The following ACAN variants were observed in gnomAD, a reference collection of about 807,000 sequenced individuals.
ACAN encodes aggrecan core protein.
In ACAN, 47 loss-of-function variants were observed where a neutral mutation model predicts 169.1. The ratio of observed to expected loss-of-function variants is 0.28; its 90% CI spans 0.22 to 0.35. The LOEUF is 0.35. Ranked by LOEUF, ACAN falls within the 10% of genes least tolerant of loss-of-function variation. The probability of loss-of-function intolerance (pLI) is 1.00; values close to 1 mark genes in which losing one functional copy is unlikely to be tolerated. For missense variants in ACAN, 2,716 were observed against 2,759.9 expected, an observed-to-expected ratio of 0.98 and a Z score of 0.36; for synonymous variants, 1,115 against 1,112.2, an observed-to-expected ratio of 1.00 and a Z score of -0.05.
intron 1 of ACAN, among the ~76,000 whole-genome samples, chr15:88,832,303 T>A (rs1299276713): frequency 8.0e-5 from 11 of 137,590 alleles, no homozygotes; most frequent in Non-Finnish European, 1.6e-5. Context: ...GTAGATACCT[T>A]AAAAAAAAAA....
chr15:88,803,864 G>C (rs1453350062), intron 1 of ACAN, 55 bp downstream of exon 1: 1 of 152,370 alleles, frequency 6.6e-6, no homozygotes, highest in African/African-American at 2.4e-5. Context: ...CGGCGAGCCA[G>C]GAACGGGACT....
At chr15:88,831,924 A>T (rs1371742386) in intron 1 of ACAN, among the ~76,000 whole-genome samples, 1 of 152,194 alleles carries the variant, frequency 6.6e-6, no homozygotes, top group Non-Finnish European at 1.5e-5. Flanking sequence ...ACCTCTGAAG[A>T]TTCACCATGA....
intron 4 of ACAN, among the ~76,000 whole-genome samples, chr15:88,840,769 T>C (rs1278221942): frequency 7.9e-6 from 1 of 126,936 alleles, no homozygotes; most frequent in African/African-American, 3.4e-5. Flanking sequence ...GATCTTAGGA[T>C]ACAAAAACTA....
chr15:88,848,127 AC>A, intron 9 of ACAN, 89 bp downstream of exon 9: 3 of 1,528,492 alleles, frequency 2.0e-6, no homozygotes, highest in Non-Finnish European at 1.8e-6. Flanking sequence ...AGAGGGGGTT[AC>A]CACCCACCCA....
rs756505482 is a variant in ACAN, at chr15:88,843,314, G to C, written c.758-41G>C. On this transcript the variant is annotated intron_variant, in intron 5 of 18. Coordinates refer to ENST00000560601, the MANE Select transcript of ACAN (RefSeq NM_001369268.1). The surrounding 1 kb of genome is among the most constrained non-coding windows in gnomAD (Gnocchi z 4.0). ...CTCTGGGGATGCAGAGCAGGGGGAG[G>C]GGGGAGAAGACCCTTACCCAGCTGG... 2.9e-6 allele frequency: 4 copies of C among 1,357,862 alleles called. No individual in the cohort carries two copies. In the South Asian group the frequency reaches 4.4e-5, roughly 15 times the overall value. The allele number at this position is 1,357,862 out of a possible 1,614,324, so 84.1% of individuals were successfully genotyped here. A position where few individuals can be genotyped will look rare whatever the true frequency, so the allele number is the denominator to read the frequency against.
intron 1 of ACAN, among the ~76,000 whole-genome samples, chr15:88,835,840 C>T (rs1170574887): frequency 1.3e-5 from 2 of 152,304 alleles, no homozygotes; most frequent in East Asian, 1.9e-4. Flanking sequence ...TCCAGAAACA[C>T]CCTCACAGAC....
intron 7 of ACAN, 137 bp from the exon 8 acceptor site, chr15:88,847,106 G>A (rs1896808892): frequency 7.0e-6 from 7 of 997,660 alleles, no homozygotes; most frequent in Non-Finnish European, 9.9e-6. Context: ...TGGCTACCAA[G>A]TGGGATTTCA....
rs1350916407 is a variant in ACAN at position 88,807,266 on chromosome 15, AG to A, written c.-8+3461del. ...AGGAAGGTCTGCTTATAAGTAGAGC[AG>A]GGGAGGGGACAGGCCAGCAGCTGCC... On this transcript the variant is annotated intron_variant, in intron 1 of 18. Transcript: ENST00000560601. This position sits in a 1 kb window ranked among gnomAD's most constrained non-coding sequence, Gnocchi z 4.0. Among the ~76,000 whole-genome samples, 1 of 152,188 alleles carries A rather than the reference AG, an allele frequency of 6.6e-6. No individual in the cohort carries two copies. Among genetic ancestry groups the A allele is most frequent in the East Asian group, 1.9e-4 (1 of 5,194 alleles).
chr15:88,837,347 T>G (rs573425304), intron 2 of ACAN, among the ~76,000 whole-genome samples: 2 of 152,334 alleles, frequency 1.3e-5, no homozygotes, highest in African/African-American at 4.8e-5. Context: ...GAATTCTGAA[T>G]TTAAATCTGT....
chr15:88,827,182 G>A (rs991252871), intron 1 of ACAN, among the ~76,000 whole-genome samples: 2 of 152,188 alleles, frequency 1.3e-5, no homozygotes, highest in East Asian at 3.9e-4. Flanking sequence ...GGGGGTGACT[G>A]CCCTCCCTGA....
intron 1 of ACAN, among the ~76,000 whole-genome samples, chr15:88,812,215 C>T (rs117881646): frequency 5.3e-5 from 8 of 152,250 alleles, no homozygotes; most frequent in East Asian, 1.9e-4. Context: ...CAGGGACTCC[C>T]GGGTTTGCAC....
At chr15:88,827,621 T>C (rs1304055216) in intron 1 of ACAN, among the ~76,000 whole-genome samples, 1 of 152,220 alleles carries the variant, frequency 6.6e-6, no homozygotes, top group East Asian at 1.9e-4. Flanking sequence ...GAAACTGACC[T>C]CAGTGCCCAT....
rs561546024 is a variant in ACAN at position 88,869,745 on chromosome 15, G to A, written c.7060+1416G>A. Among the ~76,000 whole-genome samples the A allele has an allele frequency of 4.6e-5, 7 of 152,266 alleles. No individual in the cohort carries two copies. Among genetic ancestry groups the A allele is most frequent in the African/African-American group, 1.7e-4 (7 of 41,540 alleles). ...ACCCAGCTCGGCCCTGGGCCTGGGGGCCCAGCTAAGCAGGGCTGCATCTCC... is the reference window on the plus strand; with the variant it reads ...ACCCAGCTCGGCCCTGGGCCTGGGGACCCAGCTAAGCAGGGCTGCATCTCC... On this transcript the variant is annotated intron_variant, in intron 14 of 18. Transcript: ENST00000560601. This position sits in a 1 kb window ranked among gnomAD's most constrained non-coding sequence, Gnocchi z 4.2.
intron 1 of ACAN, among the ~76,000 whole-genome samples, chr15:88,821,068 G>C (rs561685083): frequency 1.3e-5 from 2 of 152,254 alleles, no homozygotes; most frequent in African/African-American, 4.8e-5. Context: ...ACTATCAAGA[G>C]AACAACATGA....
At chr15:88,815,677 AAAAG>A (rs1895924566) in intron 1 of ACAN, among the ~76,000 whole-genome samples, 1 of 151,094 alleles carries the variant, frequency 6.6e-6, no homozygotes, top group Non-Finnish European at 1.5e-5. Context: ...AAAAAAAAAA[AAAAG>A]AAGGAGCCAT....
At chr15:88,835,731 T>G (rs553813344) in intron 1 of ACAN, among the ~76,000 whole-genome samples, 17 of 152,320 alleles carry the variant, frequency 1.1e-4, no homozygotes, top group African/African-American at 4.1e-4. Flanking sequence ...CAGGTCAGTC[T>G]TTTCTCTCTA....
chr15:88,815,284 C>A (rs547388052), intron 1 of ACAN, among the ~76,000 whole-genome samples: 1 of 152,006 alleles, frequency 6.6e-6, no homozygotes, highest in South Asian at 2.1e-4. Context: ...GAAGACCAGG[C>A]GCAGTGGCTC....
In ACAN at chr15:88,847,309, C is replaced by G. The variant is rs757190295; in HGVS notation, c.1496C>G (p.Ala499Gly). ...CTGACCTTTGAGGAGGCACAGCAGG[C>G]CTGCCTGCGCACGGGGGCGGTCATT... ...YSLTFEEAQQ[A>G]CLRTGAVIAS... The change falls in exon 8 of 19, where the codon GCC (alanine) becomes GGC (glycine). Residue 499 changes from alanine (A) to glycine (G), a missense_variant. By Grantham distance (60) the Ala-to-Gly change is moderately conservative. Around this residue, in one of 3 missense-constraint regions of ACAN, gnomAD observed 1,283 missense variants for 1,281.5 expected, o/e 1.00. Coordinates refer to ENST00000560601, the MANE Select transcript of ACAN (RefSeq NM_001369268.1). 6.4e-7 allele frequency: 1 copy of G among 1,574,586 alleles called. No individual in the cohort carries two copies. Among genetic ancestry groups the G allele is most frequent in the African/African-American group, 1.3e-5 (1 of 74,090 alleles).
intron 1 of ACAN, among the ~76,000 whole-genome samples, chr15:88,835,810 C>T (rs1896487788): frequency 6.6e-6 from 1 of 152,172 alleles, no homozygotes; most frequent in Non-Finnish European, 1.5e-5. Context: ...TTCAATCTAC[C>T]AATTCCAATG....
Sources: allele counts gnomAD v4.1 joint callset (sites outside exome capture counted in the v4.1 genomes callset), GRCh38; gene constraint gnomAD v4.1.1; regional missense constraint gnomAD v4.1.1; non-coding constraint Gnocchi (gnomAD v3.1); transcripts MANE v1.5; gene names NCBI Gene and HGNC (gene_info 2026-07-23, HGNC 2026-07-21).